ST3GAL5: variants seen among roughly 807,000 people sequenced by gnomAD.
ST3GAL5 encodes the protein ST3 beta-galactoside alpha-2,3-sialyltransferase 5.
A neutral mutation model predicts 46.1 loss-of-function variants in ST3GAL5; 25 were observed. That is an observed-to-expected ratio of 0.54 (90% CI 0.40 to 0.76). The LOEUF (loss-of-function observed/expected upper bound fraction) is 0.76, where lower values mean the gene tolerates loss of function less well. Ranked by LOEUF, ST3GAL5 falls within the 30% of genes least tolerant of loss-of-function variation. The pLI is 0.00. For synonymous variants in ST3GAL5, 182 were observed against 192.7 expected, an observed-to-expected ratio of 0.94 and a Z score of 0.46; for missense variants, 431 against 521.2, an observed-to-expected ratio of 0.83 and a Z score of 1.69.
At chr2:85,847,341 C>T in intron 4 of ST3GAL5, 1 of 992,768 alleles carries the variant, frequency 1.0e-6, no homozygotes, top group Non-Finnish European at 1.2e-6. Context: ...ATCTACCCAC[C>T]TTCCAAATCT....
At chr2:85,887,678 T>G (rs1028968881) in intron 1 of ST3GAL5, 3 of 152,252 alleles carry the variant, frequency 2.0e-5, no homozygotes, top group African/African-American at 7.2e-5. Context: ...AACCACAACC[T>G]GTCCTGACTG....
In ST3GAL5 at chr2:85,888,911, T is replaced by C. The variant is rs1688077513; in HGVS notation, c.-6A>G. ...CCCGCCGCCTTCGTCCGCATACTAA[T>C]GAGGGGGCGCCGGCCGGCCGCCAGC... On this transcript the variant is annotated 5_prime_UTR_variant, in exon 1 of 7. Coordinates refer to ENST00000638572, the MANE Select transcript of ST3GAL5 (RefSeq NM_003896.4). 2 of 1,353,460 alleles carry C rather than the reference T, an allele frequency of 1.5e-6. No homozygotes were observed. Among genetic ancestry groups the C allele is most frequent in the East Asian group, 3.4e-5 (1 of 29,576 alleles). 83.8% of individuals were successfully genotyped at this position (1,353,460 alleles called of 1,614,324 possible).
intron 2 of ST3GAL5, among the ~76,000 whole-genome samples, chr2:85,862,911 C>T (rs1181521357): frequency 1.3e-5 from 2 of 152,170 alleles, no homozygotes; most frequent in Non-Finnish European, 2.9e-5. Flanking sequence ...TTAATTCTAT[C>T]ACTTATTAGG....
At chr2:85,858,656 G>A (rs980321760) in intron 3 of ST3GAL5, among the ~76,000 whole-genome samples, 7 of 152,190 alleles carry the variant, frequency 4.6e-5, no homozygotes, top group Non-Finnish European at 8.8e-5. Context: ...CACAAAGGTG[G>A]TCTGTTTATC....
At chr2:85,884,583 A>AG (rs1401087282) in intron 1 of ST3GAL5, among the ~76,000 whole-genome samples, 5 of 152,218 alleles carry the variant, frequency 3.3e-5, no homozygotes, top group Non-Finnish European at 5.9e-5. Context: ...GGGTGACAAC[A>AG]ACTGGACTGC....
chr2:85,860,239 C>T (rs962886872), intron 3 of ST3GAL5, among the ~76,000 whole-genome samples: 6 of 152,170 alleles, frequency 3.9e-5, no homozygotes, highest in South Asian at 2.1e-4. Flanking sequence ...CTAAACTAGA[C>T]GTGAACTTGG....
chr2:85,847,963 A>C lies in ST3GAL5; in HGVS notation c.560T>G (p.Leu187Trp). The C allele has an allele frequency of 6.2e-7, 1 of 1,614,172 alleles. No individual in the cohort carries two copies. The highest frequency in any genetic ancestry group is 1.1e-5 in the South Asian group (1 of 91,082). Residue 187 changes from leucine (L) to tryptophan (W), a missense_variant, in exon 4 of 7, where the codon TTG becomes TGG. Transcript: ENST00000638572. ...ACAGCGCCGACAGGTCTTGGCTTTC[A>C]AGTGTTCAGGGAGGTCGTGCTCTGG... is the stretch of plus-strand genomic sequence containing the variant. ...LLPEHDLPEH[L>W]KAKTCRRCVV... is the part of the protein sequence containing the mutation.
chr2:85,870,179 T>C (rs1223038022), intron 1 of ST3GAL5: 1 of 470,216 alleles, frequency 2.1e-6, no homozygotes, highest in Non-Finnish European at 4.4e-6. Context: ...GAATTACACG[T>C]TTGTCTTGTC....
At chr2:85,862,618 C>G (rs1024039882) in intron 2 of ST3GAL5, among the ~76,000 whole-genome samples, 1 of 152,198 alleles carries the variant, frequency 6.6e-6, no homozygotes. Context: ...GCACAGGGCG[C>G]AGGTCTATCT....
intron 1 of ST3GAL5, among the ~76,000 whole-genome samples, chr2:85,864,784 C>T (rs564822262): frequency 1.3e-5 from 2 of 152,282 alleles, no homozygotes; most frequent in South Asian, 4.1e-4. Context: ...TAATACAGCT[C>T]TGGATTTTTA....
chr2:85,873,923 T>C (rs1048691681), intron 1 of ST3GAL5, among the ~76,000 whole-genome samples: 2 of 152,208 alleles, frequency 1.3e-5, no homozygotes, highest in African/African-American at 2.4e-5. Context: ...TCCCCAGTGT[T>C]ATGTGGGTGC....
Position 85,837,456 on chromosome 2 carries a change from G to A in ST3GAL5, c.*2688C>T, listed in dbSNP as rs948967865. 1.2e-4 allele frequency: 19 copies of A among 152,158 alleles called. No homozygotes were observed. Among genetic ancestry groups the A allele is most frequent in the African/African-American group, 4.6e-4 (19 of 41,426 alleles). The allele number at this position is 152,158 out of a possible 1,614,324, so 9.4% of individuals were successfully genotyped here. On this transcript the variant is annotated 3_prime_UTR_variant, in exon 7 of 7. Coordinates refer to ENST00000638572, the MANE Select transcript of ST3GAL5 (RefSeq NM_003896.4). The stretch of plus-strand genomic sequence containing the variant: ...AGAAGGGTAGGGGGAAATGAAGAGA[G>A]GTTGATTAATGGGTACAAACATACA...
chr2:85,880,358 C>T (rs1266060415), intron 1 of ST3GAL5, among the ~76,000 whole-genome samples: 8 of 152,238 alleles, frequency 5.3e-5, no homozygotes, highest in East Asian at 1.9e-4. Flanking sequence ...TTTTCTTTTA[C>T]ACCCCACTCA....
At chr2:85,844,173 T>C (rs1198891596) in intron 6 of ST3GAL5, among the ~76,000 whole-genome samples, 3 of 152,212 alleles carry the variant, frequency 2.0e-5, no homozygotes, top group Non-Finnish European at 2.9e-5. Flanking sequence ...CAAGTGTTAA[T>C]GTGCTGCCTA....
intron 3 of ST3GAL5, chr2:85,848,503 G>T: frequency 1.0e-6 from 1 of 956,672 alleles, no homozygotes; most frequent in Non-Finnish European, 1.5e-6. Context: ...CATTTGGGGT[G>T]AAAATGTACT....
At chr2:85,846,288 G>A (rs114807360) in intron 5 of ST3GAL5, 89 bp downstream of exon 5, 59 of 1,190,684 alleles carry the variant, frequency 5.0e-5, no homozygotes, top group Non-Finnish European at 7.0e-5. Context: ...TCCGCTCTGC[G>A]TGTTTAAAAA....
chr2:85,870,155 A>C (rs1183550368), intron 1 of ST3GAL5: 2 of 467,304 alleles, frequency 4.3e-6, no homozygotes, highest in Non-Finnish European at 4.5e-6. Context: ...ATTCTTCATA[A>C]GTTTTTTACT....
intron 6 of ST3GAL5, among the ~76,000 whole-genome samples, chr2:85,841,826 T>G (rs1008090281): frequency 2.6e-5 from 4 of 152,126 alleles, no homozygotes; most frequent in African/African-American, 9.7e-5. Context: ...GCTTTCTGGA[T>G]CTCCATGCCA....
chr2:85,864,308 A>AT (rs1241258614), intron 1 of ST3GAL5, among the ~76,000 whole-genome samples: 6 of 152,244 alleles, frequency 3.9e-5, no homozygotes, highest in Non-Finnish European at 7.4e-5. Flanking sequence ...TTTAAAGTTT[A>AT]TTTTTTTTAA....
Sources: allele counts gnomAD v4.1 joint callset (sites outside exome capture counted in the v4.1 genomes callset), GRCh38; gene constraint gnomAD v4.1.1; transcripts MANE v1.5; gene names NCBI Gene and HGNC (gene_info 2026-07-23, HGNC 2026-07-21).